The following CFAP95 variants were observed in gnomAD, a reference collection of about 807,000 sequenced individuals.
CFAP95 encodes cilia and flagella associated protein 95, also known as cilia- and flagella-associated protein 95.
At chr9:69,853,188 C>G in the CFAP95 span, among the ~76,000 whole-genome samples, 425 of 152,252 alleles carry the variant, frequency 2.8e-3, 1 homozygote, top group African/African-American at 9.0e-3. Context: ...GGTAAGTCAT[C>G]CTCAGCAGAA....
At chr9:69,866,578 C>G in the CFAP95 span, among the ~76,000 whole-genome samples, 2 of 152,306 alleles carry the variant, frequency 1.3e-5, no homozygotes, top group Non-Finnish European at 2.9e-5. Flanking sequence ...TTGGATGATG[C>G]CTACCTACAC....
At chr9:69,848,537 A>G in the CFAP95 span, among the ~76,000 whole-genome samples, 1 of 152,198 alleles carries the variant, frequency 6.6e-6, no homozygotes, top group Non-Finnish European at 1.5e-5. Flanking sequence ...AGGGTCAAAG[A>G]TAAACATACC....
chr9:69,846,119 C>G, the CFAP95 span, among the ~76,000 whole-genome samples: 1 of 152,098 alleles, frequency 6.6e-6, no homozygotes, highest in Non-Finnish European at 1.5e-5. Flanking sequence ...TTTTTGATTT[C>G]TATATTAAAG....
chr9:69,856,735 T>A, the CFAP95 span: 1 of 1,196,424 alleles, frequency 8.4e-7, no homozygotes, highest in Non-Finnish European at 1.2e-6. Flanking sequence ...CTTGTATAAG[T>A]AGCAAAAAGG....
the CFAP95 span, among the ~76,000 whole-genome samples, chr9:69,865,236 G>A: frequency 4.6e-5 from 7 of 152,220 alleles, no homozygotes; most frequent in East Asian, 1.9e-4. Context: ...CAGCCATGCC[G>A]AACTGTGAGT....
chr9:69,886,767 T>C, the CFAP95 span: 4 of 1,094,986 alleles, frequency 3.7e-6, no homozygotes, highest in Admixed American at 7.2e-5. Context: ...ATGTAAAGTG[T>C]ATACCAATAA....
At chr9:69,841,740 A>G in the CFAP95 span, among the ~76,000 whole-genome samples, 1 of 152,208 alleles carries the variant, frequency 6.6e-6, no homozygotes, top group Non-Finnish European at 1.5e-5. Context: ...TGGAAGGCAA[A>G]TGATGAGTAA....
At chr9:69,896,084 A>T in the CFAP95 span, among the ~76,000 whole-genome samples, 1 of 152,182 alleles carries the variant, frequency 6.6e-6, no homozygotes, top group African/African-American at 2.4e-5. Context: ...AACATATAAA[A>T]CTTTTGTAAG....
chr9:69,861,068 TATC>T, the CFAP95 span, among the ~76,000 whole-genome samples: 1 of 152,224 alleles, frequency 6.6e-6, no homozygotes, highest in Non-Finnish European at 1.5e-5. Flanking sequence ...TGTTATCAAG[TATC>T]ATTATATACT....
the CFAP95 span, chr9:69,856,491 T>C: frequency 2.2e-6 from 2 of 898,810 alleles, no homozygotes; most frequent in African/African-American, 3.4e-5. Context: ...TAAAAACATG[T>C]TTTAGTAACT....
the CFAP95 span, among the ~76,000 whole-genome samples, chr9:69,842,414 G>A: frequency 6.6e-6 from 1 of 152,098 alleles, no homozygotes; most frequent in Admixed American, 6.5e-5. Context: ...CCAATATTCC[G>A]GTTTTTCCTC....
At chr9:69,838,170 C>T in the CFAP95 span, among the ~76,000 whole-genome samples, 1 of 152,152 alleles carries the variant, frequency 6.6e-6, no homozygotes, top group Admixed American at 6.5e-5. Flanking sequence ...TAGCGTGATG[C>T]CTCCAGCTTT....
chr9:69,823,384 C>G, the CFAP95 span, among the ~76,000 whole-genome samples: 1 of 152,166 alleles, frequency 6.6e-6, no homozygotes, highest in Non-Finnish European at 1.5e-5. Flanking sequence ...CAGAGTCAAA[C>G]CGTATCAGTA....
chr9:69,861,259 T>C, the CFAP95 span, among the ~76,000 whole-genome samples: 1 of 152,204 alleles, frequency 6.6e-6, no homozygotes. Context: ...GTACATACTG[T>C]ACAGCCTGTT....
At chr9:69,878,180 A>G in the CFAP95 span, among the ~76,000 whole-genome samples, 1 of 151,874 alleles carries the variant, frequency 6.6e-6, no homozygotes, top group Non-Finnish European at 1.5e-5. Flanking sequence ...TTACAGCCCT[A>G]GGATCCTTAT....
At chr9:69,857,102 T>TA in the CFAP95 span, among the ~76,000 whole-genome samples, 1 of 152,204 alleles carries the variant, frequency 6.6e-6, no homozygotes, top group South Asian at 2.1e-4. Flanking sequence ...AAGTATGAAG[T>TA]GTGCATAGAA....
At chr9:69,895,239 G>A in the CFAP95 span, among the ~76,000 whole-genome samples, 4 of 151,772 alleles carry the variant, frequency 2.6e-5, no homozygotes, top group African/African-American at 9.7e-5. Flanking sequence ...AGGTTTTCTG[G>A]AAAAAAAGGA....
At chr9:69,847,707 T>C in the CFAP95 span, among the ~76,000 whole-genome samples, 1 of 152,200 alleles carries the variant, frequency 6.6e-6, no homozygotes, top group Admixed American at 6.5e-5. Flanking sequence ...CTGTTTCCCC[T>C]TCTGAATGCC....
At chr9:69,897,574 A>G in the CFAP95 span, among the ~76,000 whole-genome samples, 1 of 152,222 alleles carries the variant, frequency 6.6e-6, no homozygotes, top group African/African-American at 2.4e-5. Context: ...ATGAAATCCT[A>G]TATGAATGAG....
Sources: gnomAD v4.1 joint callset for allele counts (sites outside exome capture counted in the v4.1 genomes callset) on GRCh38, gnomAD v4.1.1 for gene constraint, MANE v1.5 for transcripts, NCBI Gene and HGNC (gene_info 2026-07-23, HGNC 2026-07-21) for gene names.